IGDCC4: variants seen among roughly 807,000 people sequenced by gnomAD.
IGDCC4 encodes likely ortholog of mouse neighbor of Punc E11.
IGDCC4 carries 72 observed loss-of-function variants against 116.6 expected under a neutral mutation model. That is an observed-to-expected ratio of 0.62 (90% CI 0.51 to 0.75). The LOEUF (loss-of-function observed/expected upper bound fraction) is 0.75. IGDCC4 is among the 30% of genes least tolerant of loss of function. IGDCC4 has a pLI of 0.00. For missense variants in IGDCC4, 1,501 were observed against 1,662.4 expected, an observed-to-expected ratio of 0.90 and a Z score of 1.69; for synonymous variants, 709 against 719.9, an observed-to-expected ratio of 0.98 and a Z score of 0.24.
intron 13 of IGDCC4, 93 bp from the exon 14 acceptor site, chr15:65,389,504 C>T (rs2091492691): frequency 2.6e-6 from 4 of 1,564,208 alleles, no homozygotes; most frequent in Non-Finnish European, 3.5e-6. Context: ...TCAGCCCCAG[C>T]CCCAGGCTCT....
chr15:65,386,930 G>A (rs563688560), intron 16 of IGDCC4, among the ~76,000 whole-genome samples: 1 of 152,300 alleles, frequency 6.6e-6, no homozygotes, highest in East Asian at 1.9e-4. Flanking sequence ...TGCTCCCAGG[G>A]CTGTTGCATG....
chr15:65,421,846 A>T (rs546255387), intron 1 of IGDCC4, among the ~76,000 whole-genome samples: 1 of 151,996 alleles, frequency 6.6e-6, no homozygotes, highest in African/African-American at 2.4e-5. Context: ...ACAGGAAGCG[A>T]CAGAGCTGTG....
intron 5 of IGDCC4, among the ~76,000 whole-genome samples, chr15:65,398,706 A>G (rs1001000880): frequency 3.3e-5 from 5 of 151,998 alleles, no homozygotes; most frequent in Non-Finnish European, 7.4e-5. Context: ...CCTGGCTGAC[A>G]CGGTGAAACC....
At chr15:65,396,645 C>G (rs949794895) in intron 6 of IGDCC4, among the ~76,000 whole-genome samples, 189 bp downstream of exon 6, 4 of 152,120 alleles carry the variant, frequency 2.6e-5, no homozygotes, top group African/African-American at 9.7e-5. Context: ...CTCAACGCCC[C>G]GCACTCCGTC....
chr15:65,416,206 C>A (rs905530306), intron 1 of IGDCC4, among the ~76,000 whole-genome samples: 2 of 130,820 alleles, frequency 1.5e-5, no homozygotes, highest in East Asian at 4.9e-4. Flanking sequence ...GGCGCAATCT[C>A]GGCTCACTGC....
chr15:65,383,804 C>A lies in IGDCC4; in HGVS notation c.*205G>T. On this transcript the variant is annotated 3_prime_UTR_variant, in exon 20 of 20. Transcript: ENST00000352385. ...TCACATGTAGCTATGTCTCGTATGTCTTTCACATGTCACATGTGTATCACA... is the reference window on the plus strand; with the variant it reads ...TCACATGTAGCTATGTCTCGTATGTATTTCACATGTCACATGTGTATCACA... 1 of 498,278 alleles carries A rather than the reference C, an allele frequency of 2.0e-6. No homozygotes were observed. The highest frequency in any genetic ancestry group is 3.5e-6 in the Non-Finnish European group (1 of 282,962). 30.9% of individuals were successfully genotyped at this position (498,278 alleles called of 1,614,324 possible).
intron 1 of IGDCC4, among the ~76,000 whole-genome samples, chr15:65,414,184 G>A (rs2063123038): frequency 6.6e-6 from 1 of 152,230 alleles, no homozygotes; most frequent in Non-Finnish European, 1.5e-5. Context: ...AGCAGTGATG[G>A]CTGCGTGAAA....
At position 65,385,027 on chromosome 15, in the gene IGDCC4, G is replaced by C. The variant is rs376238634; in HGVS notation, c.3269C>G (p.Thr1090Ser). The change falls in exon 19 of 20, where the codon ACC becomes AGC. Residue 1090 changes from threonine (T) to serine (S), a missense_variant. Thr to Ser is a moderately conservative substitution (Grantham distance 58, BLOSUM62 1). This residue lies in a region of IGDCC4 where 368 missense variants were observed against 355.6 expected (regional missense o/e 1.03). Coordinates refer to ENST00000352385, the MANE Select transcript of IGDCC4 (RefSeq NM_020962.3). ...TCCAGCAGGGGGCAGCAGGGCCCGGGTCAGAGCCGGCCGGGGGCCTGCCTG... is the reference window on the plus strand; with the variant it reads ...TCCAGCAGGGGGCAGCAGGGCCCGGCTCAGAGCCGGCCGGGGGCCTGCCTG... ...LPQAGPRPALTRALLPPAGTG... is the reference protein window; with the variant it reads ...LPQAGPRPALSRALLPPAGTG... 17 of 1,607,144 alleles carry C rather than the reference G, an allele frequency of 1.1e-5. No homozygotes were observed. Among genetic ancestry groups the C allele is most frequent in the Non-Finnish European group, 1.4e-5 (16 of 1,177,906 alleles).
chr15:65,398,120 T>G (rs1273694628), intron 5 of IGDCC4, among the ~76,000 whole-genome samples: 1 of 152,210 alleles, frequency 6.6e-6, no homozygotes, highest in Non-Finnish European at 1.5e-5. Flanking sequence ...TAGAAAAACC[T>G]GAAAGAAGAT....
chr15:65,404,976 C>T (rs905095805), intron 3 of IGDCC4, among the ~76,000 whole-genome samples: 15 of 152,096 alleles, frequency 9.9e-5, no homozygotes, highest in Non-Finnish European at 1.5e-4. Flanking sequence ...TGCTTGAGAC[C>T]GGGAGGTAGA....
chr15:65,393,490 G>C lies in IGDCC4; in HGVS notation c.1756C>G (p.Leu586Val), dbSNP rs1179861192. ...TTTGGCTGAAGCGAGTTCAGCATAA[G>C]CTGTGTCTCATTTCCTCGCACCTCA... ...STEVRGNETQ[L>V]MLNSLQPNKV... Residue 586 changes from leucine (L) to valine (V), a missense_variant, in exon 10 of 20, where the codon CTT becomes GTT. Physicochemically the swap from Leu to Val is conservative, Grantham distance 32. This residue lies in a region of IGDCC4 where 898 missense variants were observed against 978.9 expected (regional missense o/e 0.92). Transcript: ENST00000352385. This position sits in a 1 kb window ranked among gnomAD's most constrained non-coding sequence, Gnocchi z 4.6. 1.2e-6 allele frequency: 2 copies of C among 1,609,256 alleles called. No homozygotes were observed. The highest frequency in any genetic ancestry group is 1.7e-6 in the Non-Finnish European group (2 of 1,177,300).
chr15:65,390,643 T>C (rs2091505917), intron 12 of IGDCC4, among the ~76,000 whole-genome samples: 2 of 152,218 alleles, frequency 1.3e-5, no homozygotes. Flanking sequence ...TGACACTTAC[T>C]AGCTGTGTGA....
Position 65,390,153 on chromosome 15 carries a change from A to C in IGDCC4, c.2408+2T>G. ...TACATTAGTAAAGGCATTAGTCCCC[A>C]CCTGGTGTAATAGGTGACCAGGGAG... On this transcript the variant is annotated splice_donor_variant, in intron 13 of 19. Coordinates refer to ENST00000352385, the MANE Select transcript of IGDCC4 (RefSeq NM_020962.3). LOFTEE classifies it high-confidence loss of function. 2 of 1,570,788 alleles carry C rather than the reference A, an allele frequency of 1.3e-6. No homozygotes were observed. Among genetic ancestry groups the C allele is most frequent in the Non-Finnish European group, 1.7e-6 (2 of 1,147,692 alleles).
chr15:65,422,706 A>G (rs1335920272), intron 1 of IGDCC4, 87 bp downstream of exon 1: 4 of 1,099,012 alleles, frequency 3.6e-6, no homozygotes, highest in Non-Finnish European at 3.5e-6. Flanking sequence ...CTCCGGCTTG[A>G]GCCAGCCCCG....
At position 65,392,384 on chromosome 15, in the gene IGDCC4, G is replaced by C; in HGVS notation, c.1886-14C>G. ...GGGCAAAAGGGACTGGGGGGCAGAG[G>C]AGCAGGATGGGAAAATTAAGGAACA... On this transcript the variant is annotated splice_polypyrimidine_tract_variant and intron_variant, in intron 10 of 19. Transcript: ENST00000352385. 6.7e-7 allele frequency: 1 copy of C among 1,490,236 alleles called. No homozygotes were observed. 92.3% of individuals were successfully genotyped at this position (1,490,236 alleles called of 1,614,324 possible).
Position 65,389,159 on chromosome 15 carries a change from C to CCCAGAA in IGDCC4, c.2536+119_2536+124dup, listed in dbSNP as rs2091489385. 3.6e-6 allele frequency: 5 copies of CCCAGAA among 1,373,790 alleles called. No homozygotes were observed. In the South Asian group the frequency reaches 7.2e-5, roughly 20 times the overall value. 85.1% of individuals were successfully genotyped at this position (1,373,790 alleles called of 1,614,324 possible). On this transcript the variant is annotated intron_variant, in intron 14 of 19. Transcript: ENST00000352385. ...TGGAGGGACTTAACATTCCTCCCCT[C>CCCAGAA]CCAGAAACTCTTCTGCCCCCAGCTC...
At chr15:65,421,959 C>T (rs2063195701) in intron 1 of IGDCC4, among the ~76,000 whole-genome samples, 1 of 152,130 alleles carries the variant, frequency 6.6e-6, no homozygotes, top group Admixed American at 6.5e-5. Context: ...GTACCCACTC[C>T]GCACTGGGCT....
intron 3 of IGDCC4, among the ~76,000 whole-genome samples, chr15:65,404,242 C>G (rs2063019373): frequency 6.6e-6 from 1 of 152,198 alleles, no homozygotes; most frequent in Non-Finnish European, 1.5e-5. Flanking sequence ...CCTGCTCTTT[C>G]CTGCATCACA....
In IGDCC4 at chr15:65,395,873, T is replaced by C; in HGVS notation, c.1288A>G (p.Ser430Gly). The change falls in exon 7 of 20, where the codon AGC becomes GGC. Residue 430 changes from serine to glycine, a missense_variant. Around this residue, in one of 3 missense-constraint regions of IGDCC4, gnomAD observed 898 missense variants for 978.9 expected, o/e 0.92. Coordinates refer to ENST00000352385, the MANE Select transcript of IGDCC4 (RefSeq NM_020962.3). Reference protein sequence around the residue: ...LAVVVREGLPSAPTRVTATPL... With the variant: ...LAVVVREGLPGAPTRVTATPL... ...GTAGCAGTGACCCGCGTGGGGGCGC[T>C]GGGCAGCCCCTCGCGCACCACCACG... 1.3e-6 allele frequency: 2 copies of C among 1,584,396 alleles called. No individual in the cohort carries two copies. Among genetic ancestry groups the C allele is most frequent in the Non-Finnish European group, 1.7e-6 (2 of 1,172,334 alleles).
Sources: allele counts gnomAD v4.1 joint callset (sites outside exome capture counted in the v4.1 genomes callset), GRCh38; gene constraint gnomAD v4.1.1; regional missense constraint gnomAD v4.1.1; non-coding constraint Gnocchi (gnomAD v3.1); transcripts MANE v1.5; gene names NCBI Gene and HGNC (gene_info 2026-07-23, HGNC 2026-07-21).